FLI1: variants seen among roughly 807,000 people sequenced by gnomAD.
FLI1 encodes the protein Friend leukemia integration 1 transcription factor.
Under a neutral mutation model 53.1 loss-of-function variants are expected in FLI1, and 13 were observed. The observed-to-expected ratio is 0.24, with a 90% confidence interval of 0.16 to 0.39. FLI1 has a LOEUF of 0.39. Among genes scored for constraint, FLI1 ranks in the 10% least tolerant of loss-of-function variants. The pLI, the probability that FLI1 is intolerant of heterozygous loss-of-function variation, is 1.00. For missense variants in FLI1, 424 were observed against 600.5 expected, an observed-to-expected ratio of 0.71 and a Z score of 3.07; for synonymous variants, 244 against 236.7, an observed-to-expected ratio of 1.03 and a Z score of -0.28.
At chr11:128,710,404 A>G (rs1938740112) in intron 1 of FLI1, among the ~76,000 whole-genome samples, 1 of 152,206 alleles carries the variant, frequency 6.6e-6, no homozygotes, top group Admixed American at 6.5e-5. Flanking sequence ...TTGGGATTTC[A>G]AAGTTCATGA....
In FLI1 at chr11:128,796,932, G is replaced by A. The variant is rs376602057; in HGVS notation, c.656-8434G>A. Among the ~76,000 whole-genome samples, 314 of 152,314 alleles carry A rather than the reference G, an allele frequency of 2.1e-3. 1 individual carries two copies. The highest frequency in any genetic ancestry group is 6.1e-3 in the African/African-American group (255 of 41,568). On this transcript the variant is annotated intron_variant, in intron 5 of 8. Coordinates refer to ENST00000527786, the MANE Select transcript of FLI1 (RefSeq NM_002017.5). ...GGAAGTTGCAGTGAGCCGAGATTGC[G>A]CCATTGCACTCCAGCCTGGGGGACA...
At chr11:128,782,456 G>A (rs563449889) in intron 5 of FLI1, among the ~76,000 whole-genome samples, 1 of 152,200 alleles carries the variant, frequency 6.6e-6, no homozygotes, top group Admixed American at 6.5e-5. Context: ...GCGCTTTGGG[G>A]GGCCGAAGTG....
intron 1 of FLI1, among the ~76,000 whole-genome samples, chr11:128,712,579 T>C (rs935275906): frequency 3.3e-5 from 5 of 152,124 alleles, no homozygotes; most frequent in African/African-American, 7.2e-5. Context: ...TTCACAATCA[T>C]GGCGGAAGGC....
chr11:128,776,441 A>G (rs1941728954), intron 4 of FLI1, among the ~76,000 whole-genome samples: 1 of 152,248 alleles, frequency 6.6e-6, no homozygotes, highest in South Asian at 2.1e-4. Flanking sequence ...ACCTGAGGCC[A>G]GAAGTTGGAG....
chr11:128,767,495 G>T (rs1353392169), intron 2 of FLI1, among the ~76,000 whole-genome samples: 1 of 152,196 alleles, frequency 6.6e-6, no homozygotes. Flanking sequence ...AGTAACCCTT[G>T]CTGTGCCTAT....
intron 1 of FLI1, among the ~76,000 whole-genome samples, chr11:128,737,258 T>C (rs1456691740): frequency 6.6e-6 from 1 of 152,152 alleles, no homozygotes; most frequent in African/African-American, 2.4e-5. Context: ...GTTAGTTCCC[T>C]GACCACCTCA....
At chr11:128,700,448 A>G (rs534352853) in intron 1 of FLI1, among the ~76,000 whole-genome samples, 49 of 152,348 alleles carry the variant, frequency 3.2e-4, no homozygotes, top group African/African-American at 1.1e-3. Context: ...TAGGTCTTGC[A>G]TAGGAAACTA....
At chr11:128,757,067 T>TCTTC (rs975265015) in intron 1 of FLI1, among the ~76,000 whole-genome samples, 6 of 143,780 alleles carry the variant, frequency 4.2e-5, no homozygotes, top group African/African-American at 1.6e-4. Context: ...TTTCTTTCTT[T>TCTTC]CTTTCTTTCT....
intron 1 of FLI1, among the ~76,000 whole-genome samples, chr11:128,709,595 GGC>G (rs1238091925): frequency 6.6e-6 from 1 of 152,154 alleles, no homozygotes; most frequent in Non-Finnish European, 1.5e-5. Flanking sequence ...AAAAACCGAT[GGC>G]AGGATATGAG....
chr11:128,729,219 A>G (rs1205604874), intron 1 of FLI1, among the ~76,000 whole-genome samples: 1 of 152,170 alleles, frequency 6.6e-6, no homozygotes, highest in Admixed American at 6.5e-5. Context: ...AGGTAGGGGG[A>G]GAGATTAATG....
At chr11:128,772,071 CACACACAT>C (rs1306099198) in intron 3 of FLI1, among the ~76,000 whole-genome samples, 48 of 136,598 alleles carry the variant, frequency 3.5e-4, no homozygotes, top group African/African-American at 1.2e-3. Flanking sequence ...CACACACACA[CACACACAT>C]ACACACACTG....
At chr11:128,772,754 CT>C (rs1395426117) in intron 3 of FLI1, 27 bp from the exon 4 acceptor site, 1 of 1,605,988 alleles carries the variant, frequency 6.2e-7, no homozygotes, top group East Asian at 2.2e-5. Flanking sequence ...TCCTGCAGTC[CT>C]TGCTAACAAC....
chr11:128,776,266 C>CCA (rs1273448732), intron 4 of FLI1, among the ~76,000 whole-genome samples: 1 of 152,118 alleles, frequency 6.6e-6, no homozygotes, highest in African/African-American at 2.4e-5. Context: ...GTGTCACACG[C>CCA]CACACAGGCG....
At chr11:128,737,379 G>A (rs928034256) in intron 1 of FLI1, among the ~76,000 whole-genome samples, 15 of 152,126 alleles carry the variant, frequency 9.9e-5, no homozygotes, top group Admixed American at 2.0e-4. Context: ...TGGGGCATGC[G>A]TCTCCCATCA....
intron 1 of FLI1, among the ~76,000 whole-genome samples, chr11:128,698,968 CATTACAAGGAGACAACCA>C (rs1395855389): frequency 6.6e-6 from 1 of 152,096 alleles, no homozygotes; most frequent in African/African-American, 2.4e-5. Flanking sequence ...AAACAGTCTC[CATTACAAGGAGACAACCA>C]AAAATATAGT....
At chr11:128,798,235 C>T (rs775836606) in intron 5 of FLI1, among the ~76,000 whole-genome samples, 5 of 152,140 alleles carry the variant, frequency 3.3e-5, no homozygotes, top group African/African-American at 4.8e-5. Flanking sequence ...TTGGCAAACA[C>T]CCAGTTAATC....
At chr11:128,736,206 T>G (rs1939910878) in intron 1 of FLI1, among the ~76,000 whole-genome samples, 1 of 143,942 alleles carries the variant, frequency 6.9e-6, no homozygotes, top group South Asian at 2.4e-4. Flanking sequence ...TATTCTTTGC[T>G]TTCCTTTCCG....
intron 5 of FLI1, among the ~76,000 whole-genome samples, chr11:128,789,576 C>T (rs967768657): frequency 5.9e-5 from 9 of 152,202 alleles, no homozygotes; most frequent in Admixed American, 4.6e-4. Flanking sequence ...CTTATTTCTC[C>T]GGGCGAAGAG....
chr11:128,738,501 G>A (rs1170745879), intron 1 of FLI1, among the ~76,000 whole-genome samples: 1 of 152,162 alleles, frequency 6.6e-6, no homozygotes, highest in Non-Finnish European at 1.5e-5. Context: ...TTGATTCCTG[G>A]TTATCTTCTA....
Sources: allele counts gnomAD v4.1 joint callset (sites outside exome capture counted in the v4.1 genomes callset), GRCh38; gene constraint gnomAD v4.1.1; transcripts MANE v1.5; gene names NCBI Gene and HGNC (gene_info 2026-07-23, HGNC 2026-07-21).